Variants in ZP3 observed in about 807,000 individuals in gnomAD.
ZP3 encodes the protein zona pellucida sperm-binding protein 3.
Under a neutral mutation model 35.6 loss-of-function variants are expected in ZP3, and 21 were observed. That is an observed-to-expected ratio of 0.59 (90% CI 0.42 to 0.85). ZP3 has a LOEUF of 0.85. Ranked by LOEUF, ZP3 falls within the 40% of genes least tolerant of loss-of-function variation. The pLI is 0.00. For synonymous variants in ZP3, 207 were observed against 214.5 expected, an observed-to-expected ratio of 0.96 and a Z score of 0.31; for missense variants, 437 against 536.5, an observed-to-expected ratio of 0.81 and a Z score of 1.83.
Position 76,419,442 on chromosome 7 carries a change from G to A in ZP3, c.-66-5610G>A, listed in dbSNP as rs376791060. Reference sequence around the variant, plus strand: ...CTTGAAGAGTCCATCTGTTTCCTCCGTCCGGTATCATGTTTCCACATATGC... The same window carrying A: ...CTTGAAGAGTCCATCTGTTTCCTCCATCCGGTATCATGTTTCCACATATGC... On this transcript the variant is annotated intron_variant, in intron 1 of 8. Transcript: ENST00000336517. 7.8e-4 allele frequency among the ~76,000 whole-genome samples: 118 copies of A among 152,098 alleles called. No individual in the cohort carries two copies. The Middle Eastern group carries it at 0.014, about 18-fold the overall frequency.
intron 1 of ZP3, among the ~76,000 whole-genome samples, chr7:76,410,516 CAA>C (rs111982264): frequency 0.053 from 7,362 of 138,034 alleles, 250 homozygotes; most frequent in East Asian, 0.14. Flanking sequence ...CTGCACTGGC[CAA>C]AAAAAAAAAA....
At position 76,397,858 on chromosome 7, in the gene ZP3, C is replaced by T. The variant is rs984159211; in HGVS notation, c.-67+61C>T. On this transcript the variant is annotated intron_variant, in intron 1 of 8. Coordinates refer to the ZP3 transcript ENST00000336517. ...CTGGGGATGGGGGCGGGGGTCAGGG[C>T]GCATCTCCCACTGGCCTCTGCCCCC... The T allele has an allele frequency of 6.0e-6, 9 of 1,504,260 alleles. No homozygotes were observed. The African/African-American group carries it at 1.3e-4, about 21-fold the overall frequency. The allele number at this position is 1,504,260 out of a possible 1,614,324, so 93.2% of individuals were successfully genotyped here.
At position 76,432,989 on chromosome 7, in the gene ZP3, T is replaced by G; in HGVS notation, c.494T>G (p.Phe165Cys). 6.2e-7 allele frequency: 1 copy of G among 1,614,078 alleles called. No homozygotes were observed. Among genetic ancestry groups the G allele is most frequent in the Non-Finnish European group, 8.5e-7 (1 of 1,180,008 alleles). The change falls in exon 3 of 8, where the codon TTC becomes TGC. Residue 165 changes from phenylalanine to cysteine, a missense_variant. Transcript: ENST00000394857. The stretch of plus-strand genomic sequence containing the variant: ...TGGTTGCCCTTCAGGACCACGGTGT[T>G]CTCAGAGGAGAAGCTGACTTTCTCT... The part of the protein sequence containing the change: ...PTWLPFRTTV[F>C]SEEKLTFSLR...
rs545217994 is a variant in ZP3 at position 76,441,541 on chromosome 7, A to C, written c.1061-301A>C. ...GTAGCTGAGACTACAGGCATGTGCCACCATGCCCAGTTAACTTTTTTATTT... is the reference window on the plus strand; with the variant it reads ...GTAGCTGAGACTACAGGCATGTGCCCCCATGCCCAGTTAACTTTTTTATTT... On this transcript the variant is annotated intron_variant, in intron 7 of 7. Transcript: ENST00000394857. Among the ~76,000 whole-genome samples the C allele has an allele frequency of 6.6e-5, 10 of 151,842 alleles. No homozygotes were observed. In the East Asian group the frequency reaches 1.6e-3, roughly 24 times the overall value.
chr7:76,433,480 C>T lies in ZP3; in HGVS notation c.546C>T (p.Asn182=), dbSNP rs371699247. Residue 182 remains asparagine, a synonymous_variant, in exon 4 of 8, where the codon AAC becomes AAT. Transcript: ENST00000394857. The part of the protein sequence containing the change: ...FSLRLMEENW[N]AEKRSPTFHL... ...GACTGTGTCTTTCAGAGAACTGGAA[C>T]GCTGAGAAGAGGTCCCCCACCTTCC... 1.8e-5 allele frequency: 29 copies of T among 1,612,476 alleles called. No individual in the cohort carries two copies. Among genetic ancestry groups the T allele is most frequent in the Admixed American group, 6.7e-5 (4 of 59,736 alleles).
chr7:76,411,758 T>C (rs1011674597), intron 1 of ZP3, among the ~76,000 whole-genome samples: 2 of 152,118 alleles, frequency 1.3e-5, no homozygotes, highest in African/African-American at 2.4e-5. Flanking sequence ...AAAATCTAAA[T>C]GTACATTCAC....
At chr7:76,406,247 G>C (rs1805028008) in intron 1 of ZP3, among the ~76,000 whole-genome samples, 1 of 152,066 alleles carries the variant, frequency 6.6e-6, no homozygotes. Context: ...CAAAGTGCTG[G>C]GATTACAGGC....
In ZP3 at chr7:76,440,496, G is replaced by A. The variant is rs553842143; in HGVS notation, c.945G>A (p.Ser315=). ...PSNSWFPVEG[S]ADICQCCNKG... ...TCAGCTGGTTCCCAGTGGAAGGCTC[G>A]GCTGACATCTGTCAATGCTGTAACA... Residue 315 remains serine, a synonymous_variant, in exon 7 of 8, where the codon TCG becomes TCA. Transcript: ENST00000394857. 74 of 1,614,040 alleles carry A rather than the reference G, an allele frequency of 4.6e-5. 1 individual carries two copies. In the East Asian group the frequency reaches 8.0e-4, roughly 17 times the overall value.
intron 7 of ZP3, among the ~76,000 whole-genome samples, chr7:76,441,349 C>T (rs1806193249): frequency 6.7e-6 from 1 of 150,184 alleles, no homozygotes; most frequent in Admixed American, 6.7e-5. Context: ...CTTGGGTGAC[C>T]TGCTTTCTCC....
intron 2 of ZP3, among the ~76,000 whole-genome samples, chr7:76,431,635 C>A (rs1180102534): frequency 6.6e-6 from 1 of 152,166 alleles, no homozygotes; most frequent in East Asian, 1.9e-4. Flanking sequence ...CATGGTGGCT[C>A]ACGCCTATAA....
At chr7:76,433,207 G>A (rs946353243) in intron 3 of ZP3, among the ~76,000 whole-genome samples, 177 bp downstream of exon 3, 10 of 129,638 alleles carry the variant, frequency 7.7e-5, no homozygotes, top group African/African-American at 1.0e-4. Context: ...AGGCTGGAGT[G>A]CAGTGGCACG....
chr7:76,422,232 G>T (rs533689295), upstream of ZP3, among the ~76,000 whole-genome samples: 1 of 151,762 alleles, frequency 6.6e-6, no homozygotes, highest in East Asian at 1.9e-4. Context: ...TTTCCCACAG[G>T]GCTAAGTCCA....
chr7:76,431,477 G>C (rs1805822933), intron 2 of ZP3, among the ~76,000 whole-genome samples: 2 of 152,154 alleles, frequency 1.3e-5, no homozygotes. Context: ...TCTTCCAGCA[G>C]ATCCTATGGG....
intron 1 of ZP3, among the ~76,000 whole-genome samples, chr7:76,399,188 T>G (rs987005769): frequency 2.6e-5 from 4 of 152,028 alleles, no homozygotes; most frequent in Non-Finnish European, 5.9e-5. Flanking sequence ...ATTTTTTGTA[T>G]TTTTAGTAGA....
exon 1 of ZP3, chr7:76,397,700 T>G: frequency 6.2e-7 from 1 of 1,613,466 alleles, no homozygotes; most frequent in Non-Finnish European, 8.5e-7. Flanking sequence ...GCAGCCCAGC[T>G]GACGACAGAC....
rs1363541820 is a variant in ZP3, at chr7:76,425,009, T to A, written c.45T>A (p.Gly15=). The A allele has an allele frequency of 6.4e-7, 1 of 1,571,002 alleles. No individual in the cohort carries two copies. The highest frequency in any genetic ancestry group is 8.6e-7 in the Non-Finnish European group (1 of 1,159,138). The change falls in exon 1 of 8, where the codon GGT becomes GGA. Residue 15 remains glycine (G), a synonymous_variant. Transcript: ENST00000394857. ...YRLFICLLLW[G]STELCYPQPL... is the part of the protein sequence containing the mutation. ...TCTTCATCTGCCTCCTGCTCTGGGG[T>A]AGTACTGAGCTGTGCTACCCCCAAC...
chr7:76,426,527 C>T (rs868486203), intron 1 of ZP3, among the ~76,000 whole-genome samples: 1 of 152,084 alleles, frequency 6.6e-6, no homozygotes, highest in Non-Finnish European at 1.5e-5. Flanking sequence ...TTTGAGGACT[C>T]GAGGCCCTTG....
chr7:76,438,058 G>A (rs1473237171), intron 5 of ZP3, among the ~76,000 whole-genome samples: 2 of 152,250 alleles, frequency 1.3e-5, no homozygotes, highest in Non-Finnish European at 2.9e-5. Context: ...TTGGCCACTA[G>A]GTGGTGACTG....
chr7:76,410,539 C>T (rs1805215182), intron 1 of ZP3, among the ~76,000 whole-genome samples: 1 of 151,634 alleles, frequency 6.6e-6, no homozygotes, highest in Non-Finnish European at 1.5e-5. Flanking sequence ...TGTTGAGAAG[C>T]TCCTGAGGAT....
Sources: allele counts gnomAD v4.1 joint callset (sites outside exome capture counted in the v4.1 genomes callset), GRCh38; gene constraint gnomAD v4.1.1; transcripts MANE v1.5; gene names NCBI Gene and HGNC (gene_info 2026-07-23, HGNC 2026-07-21).